MACIR: variants seen among roughly 807,000 people sequenced by gnomAD.
MACIR encodes UNC119-binding protein C5orf30.
MACIR carries 4 observed loss-of-function variants against 14.3 expected under a neutral mutation model. The ratio of observed to expected loss-of-function variants is 0.28; its 90% CI spans 0.14 to 0.64. The LOEUF is 0.64. Among genes scored for constraint, MACIR ranks in the 30% least tolerant of loss-of-function variants. The pLI, the probability that MACIR is intolerant of heterozygous loss-of-function variation, is 0.83. For synonymous variants in MACIR, 101 were observed against 102.4 expected (o/e 0.99, Z 0.08); for missense variants, 228 against 257.6 (o/e 0.89, Z 0.79).
At chr5:103,275,759 C>T (rs1554237587) in intron 2 of MACIR, 138 bp from the exon 3 acceptor site, 35 of 676,290 alleles carry the variant, frequency 5.2e-5, no homozygotes, top group Non-Finnish European at 2.2e-5. Context: ...GTTTAGTAGA[C>T]ATAGTTACAT....
chr5:103,258,660 G>A (rs1224378374), upstream of MACIR: 2 of 153,374 alleles, frequency 1.3e-5, no homozygotes, highest in African/African-American at 4.8e-5. Context: ...TCTGCAGCCA[G>A]AGGGAGGAGG....
intron 2 of MACIR, among the ~76,000 whole-genome samples, chr5:103,270,977 T>G (rs1195370430): frequency 4.6e-5 from 7 of 151,908 alleles, no homozygotes; most frequent in Non-Finnish European, 8.8e-5. Context: ...TAGAGAAAAA[T>G]AAAGGTGTTT....
intron 2 of MACIR, among the ~76,000 whole-genome samples, chr5:103,274,938 A>T (rs1411102056): frequency 6.6e-6 from 1 of 152,164 alleles, no homozygotes; most frequent in East Asian, 1.9e-4. Flanking sequence ...CCCAAATTTG[A>T]TCTATCTGTA....
At chr5:103,274,063 T>C (rs1464588454) in intron 2 of MACIR, among the ~76,000 whole-genome samples, 1 of 152,152 alleles carries the variant, frequency 6.6e-6, no homozygotes, top group Non-Finnish European at 1.5e-5. Context: ...GGATGAAATA[T>C]CAGAGAAACA....
chr5:103,265,298 C>T (rs201971643), intron 1 of MACIR, among the ~76,000 whole-genome samples: 1 of 152,104 alleles, frequency 6.6e-6, no homozygotes, highest in African/African-American at 2.4e-5. Flanking sequence ...TTTATGGCTA[C>T]AATGAGTCGA....
chr5:103,265,168 G>A (rs991812066), intron 1 of MACIR, among the ~76,000 whole-genome samples: 1 of 152,120 alleles, frequency 6.6e-6, no homozygotes, highest in African/African-American at 2.4e-5. Flanking sequence ...GAAACCTTAA[G>A]TAAGGTGGTA....
At chr5:103,263,496 C>T (rs1554236496) in intron 1 of MACIR, among the ~76,000 whole-genome samples, 2 of 152,170 alleles carry the variant, frequency 1.3e-5, no homozygotes, top group Admixed American at 1.3e-4. Context: ...GTCTTCAAGG[C>T]TCCTCTGCTT....
intron 2 of MACIR, among the ~76,000 whole-genome samples, chr5:103,267,181 C>A (rs1804956633): frequency 6.6e-6 from 1 of 152,074 alleles, no homozygotes. Flanking sequence ...TCCAGGACTT[C>A]CCCCAGGTAC....
intron 2 of MACIR, among the ~76,000 whole-genome samples, chr5:103,266,472 A>T (rs1388088323): frequency 6.6e-6 from 1 of 152,206 alleles, no homozygotes; most frequent in East Asian, 1.9e-4. Context: ...GTTCACTGAA[A>T]ATGTGACATT....
At chr5:103,269,450 C>CT (rs1805047021) in intron 2 of MACIR, among the ~76,000 whole-genome samples, 1 of 136,448 alleles carries the variant, frequency 7.3e-6, no homozygotes, top group Admixed American at 7.2e-5. Context: ...CTGTATGTTG[C>CT]TAAAAAAAAC....
At chr5:103,274,395 TATA>T (rs1473739259) in intron 2 of MACIR, among the ~76,000 whole-genome samples, 2 of 150,884 alleles carry the variant, frequency 1.3e-5, no homozygotes, top group African/African-American at 4.8e-5. Context: ...ACATTAAAAA[TATA>T]ATAAAGCTGA....
At chr5:103,267,418 T>A (rs1554236817) in intron 2 of MACIR, among the ~76,000 whole-genome samples, 5 of 150,940 alleles carry the variant, frequency 3.3e-5, no homozygotes, top group Non-Finnish European at 7.4e-5. Context: ...TTTTCAAATA[T>A]TTTCTCTCTG....
intron 2 of MACIR, among the ~76,000 whole-genome samples, chr5:103,272,801 G>A (rs936690841): frequency 2.0e-5 from 3 of 152,120 alleles, no homozygotes; most frequent in Admixed American, 1.3e-4. Flanking sequence ...CGTGAATATC[G>A]AGACCTGAAG....
intron 2 of MACIR, among the ~76,000 whole-genome samples, chr5:103,268,641 G>C (rs1399459089): frequency 2.0e-5 from 3 of 152,190 alleles, no homozygotes; most frequent in Non-Finnish European, 4.4e-5. Flanking sequence ...ACAACTTGCA[G>C]AACCCAGGCT....
chr5:103,258,995 C>T (rs1248170837), intron 1 of MACIR, 99 bp downstream of exon 1: 1 of 152,750 alleles, frequency 6.5e-6, no homozygotes, highest in Non-Finnish European at 1.5e-5. Context: ...GCCCCAGGCT[C>T]CGATCCCCAG....
chr5:103,265,804 C>G lies in MACIR; in HGVS notation c.-113-104C>G, dbSNP rs541322066. Reference sequence around the variant, plus strand: ...CCTATATAACCTATACTTGATGTTACTACCTCCTGCTAGTTTTATTCTCTT... The same window carrying G: ...CCTATATAACCTATACTTGATGTTAGTACCTCCTGCTAGTTTTATTCTCTT... On this transcript the variant is annotated intron_variant, in intron 1 of 2. Transcript: ENST00000319933. 2.0e-5 allele frequency: 3 copies of G among 152,216 alleles called. No homozygotes were observed. The South Asian group carries it at 6.2e-4, about 32-fold the overall frequency. 9.4% of individuals were successfully genotyped at this position (152,216 alleles called of 1,614,324 possible).
chr5:103,274,548 ATGTT>A (rs1346877543), intron 2 of MACIR, among the ~76,000 whole-genome samples: 3 of 151,862 alleles, frequency 2.0e-5, no homozygotes, highest in Admixed American at 6.6e-5. Context: ...ATTGTAATAA[ATGTT>A]TGTTTTCAGT....
At chr5:103,263,776 T>G (rs541421252) in intron 1 of MACIR, among the ~76,000 whole-genome samples, 1 of 152,172 alleles carries the variant, frequency 6.6e-6, no homozygotes, top group Non-Finnish European at 1.5e-5. Context: ...TATCCCACTT[T>G]GTGATAGATG....
intron 2 of MACIR, among the ~76,000 whole-genome samples, chr5:103,270,195 A>G (rs1805075796): frequency 6.6e-6 from 1 of 152,234 alleles, no homozygotes; most frequent in Non-Finnish European, 1.5e-5. Flanking sequence ...TTAGTTATAT[A>G]AAAGAATATC....
Sources: gnomAD v4.1 joint callset for allele counts (sites outside exome capture counted in the v4.1 genomes callset) on GRCh38, gnomAD v4.1.1 for gene constraint, MANE v1.5 for transcripts, NCBI Gene and HGNC (gene_info 2026-07-23, HGNC 2026-07-21) for gene names.